PKD1L1: variants seen among roughly 807,000 people sequenced by gnomAD.
PKD1L1 encodes the protein polycystin-1-like protein 1.
PKD1L1 carries 236 observed loss-of-function variants against 323.4 expected under a neutral mutation model. The observed-to-expected ratio is 0.73, with a 90% CI of 0.66 to 0.81. The LOEUF (loss-of-function observed/expected upper bound fraction) is 0.81, where lower values mean the gene tolerates loss of function less well. Among genes scored for constraint, PKD1L1 ranks in the 40% least tolerant of loss-of-function variants. The probability of loss-of-function intolerance (pLI) is 0.00; values close to 1 mark genes in which losing one functional copy is unlikely to be tolerated. For synonymous variants in PKD1L1, 1,344 were observed against 1,335.0 expected, an observed-to-expected ratio of 1.01 and a Z score of -0.15; for missense variants, 3,320 against 3,508.0, an observed-to-expected ratio of 0.95 and a Z score of 1.35.
intron 50 of PKD1L1, among the ~76,000 whole-genome samples, chr7:47,810,272 T>G (rs1784866867): frequency 6.6e-6 from 1 of 152,186 alleles, no homozygotes; most frequent in African/African-American, 2.4e-5. Flanking sequence ...TGCAAGGTGT[T>G]TAACAGCAGT....
chr7:47,791,745 T>C (rs940991206), intron 56 of PKD1L1, among the ~76,000 whole-genome samples: 11 of 152,364 alleles, frequency 7.2e-5, no homozygotes, highest in African/African-American at 2.4e-4. Context: ...AGAGAGCTTA[T>C]AGCAGGTACT....
intron 56 of PKD1L1, among the ~76,000 whole-genome samples, chr7:47,785,712 T>G (rs1315417065): frequency 6.6e-6 from 1 of 151,882 alleles, no homozygotes; most frequent in Non-Finnish European, 1.5e-5. Context: ...CATCATACTT[T>G]CTGCATGTTC....
intron 52 of PKD1L1, among the ~76,000 whole-genome samples, chr7:47,804,950 C>T (rs1489154797): frequency 2.0e-5 from 3 of 152,154 alleles, no homozygotes; most frequent in Non-Finnish European, 4.4e-5. Context: ...AGTGGAAGGG[C>T]CGCTTTCTTG....
chr7:47,945,474 G>A (rs1044415410), intron 1 of PKD1L1, among the ~76,000 whole-genome samples: 2 of 152,200 alleles, frequency 1.3e-5, no homozygotes, highest in African/African-American at 4.8e-5. Flanking sequence ...TGAAGATGAA[G>A]ATGGTCACTA....
chr7:47,849,999 T>C (rs1785744888), intron 31 of PKD1L1, among the ~76,000 whole-genome samples: 1 of 152,250 alleles, frequency 6.6e-6, no homozygotes, highest in Middle Eastern at 3.4e-3. Context: ...AATGACATAA[T>C]AGGACTTTGG....
intron 45 of PKD1L1, among the ~76,000 whole-genome samples, chr7:47,824,910 G>A (rs1785212494): frequency 6.6e-6 from 1 of 152,226 alleles, no homozygotes; most frequent in Non-Finnish European, 1.5e-5. Context: ...TGGTTTGTGT[G>A]TGGGTATGTT....
intron 7 of PKD1L1, among the ~76,000 whole-genome samples, chr7:47,916,912 C>G (rs1346495655): frequency 1.3e-5 from 2 of 152,124 alleles, no homozygotes; most frequent in African/African-American, 4.8e-5. Flanking sequence ...TATGACAAAA[C>G]AAGGTTCTTT....
intron 47 of PKD1L1, among the ~76,000 whole-genome samples, 156 bp from the exon 48 acceptor site, chr7:47,814,170 A>G (rs1373186127): frequency 6.6e-6 from 1 of 152,148 alleles, no homozygotes; most frequent in Non-Finnish European, 1.5e-5. Flanking sequence ...TAGGGATACA[A>G]CCAACATTCT....
chr7:47,884,987 C>A (rs543542030), intron 18 of PKD1L1, among the ~76,000 whole-genome samples: 2 of 152,168 alleles, frequency 1.3e-5, no homozygotes, highest in Non-Finnish European at 2.9e-5. Context: ...TCTCTTCAAG[C>A]GAGTCTTTTA....
chr7:47,886,733 T>C (rs1490613535), intron 17 of PKD1L1, among the ~76,000 whole-genome samples: 2 of 152,188 alleles, frequency 1.3e-5, no homozygotes, highest in African/African-American at 4.8e-5. Flanking sequence ...TCAGAGCAGA[T>C]GCTAGCACCA....
intron 8 of PKD1L1, among the ~76,000 whole-genome samples, chr7:47,912,218 A>G (rs926120690): frequency 6.6e-6 from 1 of 152,192 alleles, no homozygotes; most frequent in Non-Finnish European, 1.5e-5. Context: ...TTAGAGTATA[A>G]TGGAGAATGG....
At chr7:47,892,058 C>T (rs904527728) in intron 15 of PKD1L1, among the ~76,000 whole-genome samples, 28 of 152,240 alleles carry the variant, frequency 1.8e-4, no homozygotes, top group Admixed American at 5.9e-4. Context: ...CTAGCTACTA[C>T]ATTCCAGGCA....
chr7:47,937,677 G>C lies in PKD1L1; in HGVS notation c.286-719C>G, dbSNP rs981826046. Among the ~76,000 whole-genome samples the C allele has an allele frequency of 2.0e-5, 3 of 152,148 alleles. No homozygotes were observed. The South Asian group carries it at 6.2e-4, about 31-fold the overall frequency. On this transcript the variant is annotated intron_variant, in intron 3 of 56. Transcript: ENST00000289672. The stretch of plus-strand genomic sequence containing the variant: ...CTTGATTGTGGAGTGAAGGCAGAGG[G>C]TGAACACCTCTGAGGCTATGGGGTG...
At chr7:47,807,558 C>A (rs1784806432) in intron 52 of PKD1L1, among the ~76,000 whole-genome samples, 1 of 152,132 alleles carries the variant, frequency 6.6e-6, no homozygotes, top group African/African-American at 2.4e-5. Flanking sequence ...GGGGCTAGAT[C>A]TGAGGGCAGC....
chr7:47,884,515 G>C (rs182224437), intron 19 of PKD1L1, 83 bp downstream of exon 19: 10 of 1,257,328 alleles, frequency 8.0e-6, no homozygotes, highest in East Asian at 4.7e-5. Context: ...CTGTGTAAGG[G>C]AACAGGTGGG....
intron 52 of PKD1L1, among the ~76,000 whole-genome samples, chr7:47,806,430 G>A (rs1261438121): frequency 1.3e-5 from 2 of 152,274 alleles, no homozygotes; most frequent in African/African-American, 4.8e-5. Context: ...ACAGTTACAT[G>A]GGTAAGCCAG....
intron 24 of PKD1L1, among the ~76,000 whole-genome samples, chr7:47,869,388 G>A (rs1241149455): frequency 6.6e-6 from 1 of 152,072 alleles, no homozygotes; most frequent in Non-Finnish European, 1.5e-5. Flanking sequence ...TAGGTTCAAG[G>A]ATAAAATTAG....
chr7:47,880,797 C>A lies in PKD1L1; in HGVS notation c.3451G>T (p.Glu1151Ter). Residue 1151 changes from glutamate (E) to a stop codon, truncating the protein, a stop_gained, in exon 21 of 57, where the codon GAA (glutamate) becomes TAA (stop). Transcript: ENST00000289672. LOFTEE classifies it high-confidence loss of function. ...FQGYSSSGIT[E>*]QTVTIKPYSL... ...TATGGCTTGATTGTCACTGTCTGTT[C>A]TGTAATACCTGCAGAAAAGACATGG... 6.2e-7 allele frequency: 1 copy of A among 1,602,464 alleles called. No individual in the cohort carries two copies. Among genetic ancestry groups the A allele is most frequent in the Non-Finnish European group, 8.5e-7 (1 of 1,173,024 alleles).
At chr7:47,869,804 G>T (rs1028466164) in intron 24 of PKD1L1, among the ~76,000 whole-genome samples, 1 of 152,060 alleles carries the variant, frequency 6.6e-6, no homozygotes, top group Non-Finnish European at 1.5e-5. Context: ...AAGTGCACAT[G>T]GGACATTTTC....
Sources: allele counts gnomAD v4.1 joint callset (sites outside exome capture counted in the v4.1 genomes callset), GRCh38; gene constraint gnomAD v4.1.1; transcripts MANE v1.5; gene names NCBI Gene and HGNC (gene_info 2026-07-23, HGNC 2026-07-21).